Variants in SCMH1 observed in about 807,000 individuals in gnomAD.
SCMH1 encodes polycomb protein SCMH1.
Under a neutral mutation model 70.8 loss-of-function variants are expected in SCMH1, and 37 were observed. The ratio of observed to expected loss-of-function variants is 0.52; its 90% CI spans 0.40 to 0.69. SCMH1 has a LOEUF of 0.69. Among genes scored for constraint, SCMH1 ranks in the 30% least tolerant of loss-of-function variants. The pLI is 0.00. For missense variants in SCMH1, 607 were observed against 827.3 expected, an observed-to-expected ratio of 0.73 and a Z score of 3.27; for synonymous variants, 292 against 307.4, an observed-to-expected ratio of 0.95 and a Z score of 0.52.
At chr1:41,156,447 T>G (rs1645554810) in intron 4 of SCMH1, among the ~76,000 whole-genome samples, 1 of 152,328 alleles carries the variant, frequency 6.6e-6, no homozygotes, top group South Asian at 2.1e-4. Context: ...TTATTTTATT[T>G]TTTTTGAGAC....
At chr1:41,194,196 T>C (rs1449071189) in intron 1 of SCMH1, among the ~76,000 whole-genome samples, 3 of 152,346 alleles carry the variant, frequency 2.0e-5, no homozygotes, top group Non-Finnish European at 4.4e-5. Context: ...TTGTAAAAAC[T>C]GCAGAATAAA....
exon 6 of SCMH1, chr1:41,142,898 C>T: frequency 6.2e-7 from 1 of 1,613,896 alleles, no homozygotes; most frequent in Non-Finnish European, 8.5e-7. Flanking sequence ...CTGTAGCATA[C>T]CCCCATTCTT....
intron 8 of SCMH1, among the ~76,000 whole-genome samples, chr1:41,095,219 CTCTAGCATT>C (rs1664759304): frequency 6.6e-6 from 1 of 152,208 alleles, no homozygotes; most frequent in Admixed American, 6.5e-5. Flanking sequence ...GTAACCCATA[CTCTAGCATT>C]TGATTCTAGA....
intron 10 of SCMH1, among the ~76,000 whole-genome samples, chr1:41,060,152 G>A (rs1571629703): frequency 6.6e-6 from 1 of 151,920 alleles, no homozygotes; most frequent in South Asian, 2.1e-4. Context: ...CCAAATTAAT[G>A]TTACATACCA....
intron 10 of SCMH1, among the ~76,000 whole-genome samples, chr1:41,063,250 G>A (rs1393272338): frequency 1.3e-5 from 2 of 152,094 alleles, no homozygotes; most frequent in South Asian, 2.1e-4. Context: ...GAGGCGGGCG[G>A]ATCATGAGGG....
Position 41,119,420 on chromosome 1 carries a change from T to C in SCMH1, c.413-2410A>G, listed in dbSNP as rs909980125. On this transcript the variant is annotated intron_variant, in intron 6 of 14. Transcript: ENST00000337495. ...ATCACTTCCTTTTTGCTTGCCCAGC[T>C]TTTTTTTCCCTTTAGGGCAAAAAAA... Among the ~76,000 whole-genome samples, 3 of 142,186 alleles carry C rather than the reference T, an allele frequency of 2.1e-5. No individual in the cohort carries two copies. In the Admixed American group the frequency reaches 2.2e-4, roughly 10 times the overall value. 93.3% of individuals were successfully genotyped at this position (142,186 alleles called of 152,430 possible).
chr1:41,128,018 T>A lies in SCMH1; in HGVS notation c.413-11008A>T, dbSNP rs1193460734. ...TCAGCAGACTACCACACTACCTTTA[T>A]CATATAGCAAATTTTCATATACAGT... On this transcript the variant is annotated intron_variant, in intron 6 of 14. Transcript: ENST00000337495. 2.6e-5 allele frequency among the ~76,000 whole-genome samples: 4 copies of A among 152,210 alleles called. 1 individual carries two copies. The South Asian group carries it at 8.3e-4, about 32-fold the overall frequency.
rs192726924 is a variant in SCMH1 at position 41,087,867 on chromosome 1, A to T, written c.746-12416T>A. Among the ~76,000 whole-genome samples the T allele has an allele frequency of 1.2e-4, 19 of 152,104 alleles. No individual in the cohort carries two copies. In the East Asian group the frequency reaches 3.7e-3, roughly 29 times the overall value. On this transcript the variant is annotated intron_variant, in intron 8 of 14. Transcript: ENST00000337495. ...CATGTGTACAAGTTTATTAAGCAATACATATACAGTATTACATATTATTGT... is the reference window on the plus strand; with the variant it reads ...CATGTGTACAAGTTTATTAAGCAATTCATATACAGTATTACATATTATTGT...
chr1:41,034,650 G>T (rs1023963764), intron 13 of SCMH1, among the ~76,000 whole-genome samples: 5 of 151,854 alleles, frequency 3.3e-5, no homozygotes, highest in Non-Finnish European at 4.4e-5. Context: ...TTCATTGCAG[G>T]CTCTGCTAAT....
In SCMH1 at chr1:41,196,775, G is replaced by A. The variant is rs540397175; in HGVS notation, c.-117-10525C>T. On this transcript the variant is annotated intron_variant, in intron 1 of 14. Coordinates refer to ENST00000337495, the Ensembl canonical transcript of SCMH1. Reference sequence around the variant, plus strand: ...GAGTGAAAAGACAGTCCACAGAATCGGAGACAATACTTGCAAATCATGTTT... The same window carrying A: ...GAGTGAAAAGACAGTCCACAGAATCAGAGACAATACTTGCAAATCATGTTT... 5.9e-5 allele frequency among the ~76,000 whole-genome samples: 9 copies of A among 152,176 alleles called. No individual in the cohort carries two copies. In the South Asian group the frequency reaches 8.3e-4, roughly 14 times the overall value.
chr1:41,095,318 T>C (rs1183090880), intron 8 of SCMH1, among the ~76,000 whole-genome samples: 1 of 152,188 alleles, frequency 6.6e-6, no homozygotes, highest in Non-Finnish European at 1.5e-5. Context: ...AAACAGAGGC[T>C]AACCTATATT....
chr1:41,223,749 T>C (rs1247380463), intron 1 of SCMH1, among the ~76,000 whole-genome samples: 1 of 152,174 alleles, frequency 6.6e-6, no homozygotes, highest in African/African-American at 2.4e-5. Flanking sequence ...ATTCCTGCCT[T>C]GCCAACTTTC....
chr1:41,186,004 G>A, intron 2 of SCMH1, 117 bp downstream of exon 2: 1 of 1,078,402 alleles, frequency 9.3e-7, no homozygotes, highest in Non-Finnish European at 1.3e-6. Flanking sequence ...ATGACATCAT[G>A]GCTATAAAGA....
intron 12 of SCMH1, among the ~76,000 whole-genome samples, chr1:41,041,979 C>G (rs1317897258): frequency 6.6e-6 from 1 of 152,182 alleles, no homozygotes; most frequent in African/African-American, 2.4e-5. Flanking sequence ...CTGCCTCATA[C>G]TGAGCCACTG....
intron 1 of SCMH1, among the ~76,000 whole-genome samples, chr1:41,235,701 G>T (rs1662249050): frequency 6.6e-6 from 1 of 151,354 alleles, no homozygotes; most frequent in South Asian, 2.1e-4. Flanking sequence ...CTCTGTGTGT[G>T]CCCTTCTTTG....
intron 8 of SCMH1, among the ~76,000 whole-genome samples, chr1:41,077,545 A>T (rs1658696796): frequency 6.6e-6 from 1 of 152,156 alleles, no homozygotes; most frequent in South Asian, 2.1e-4. Flanking sequence ...TCTTAAAGAT[A>T]TTTTAAAACT....
chr1:41,239,664 G>A (rs769661295), intron 1 of SCMH1, among the ~76,000 whole-genome samples: 1 of 152,096 alleles, frequency 6.6e-6, no homozygotes, highest in Non-Finnish European at 1.5e-5. Flanking sequence ...TTTAAAAGAT[G>A]GGGTCTCATT....
intron 4 of SCMH1, 70 bp from the exon 5 acceptor site, chr1:41,151,754 A>G (rs1392726666): frequency 9.8e-7 from 1 of 1,022,568 alleles, no homozygotes; most frequent in East Asian, 2.5e-5. Flanking sequence ...TATAATCTAC[A>G]CTAAACAGTA....
intron 4 of SCMH1, among the ~76,000 whole-genome samples, chr1:41,159,373 T>C (rs1025724350): frequency 8.5e-5 from 13 of 152,218 alleles, no homozygotes; most frequent in East Asian, 3.8e-4. Context: ...TGAGCTACAA[T>C]TGTTATTATC....
Sources: allele counts gnomAD v4.1 joint callset (sites outside exome capture counted in the v4.1 genomes callset), GRCh38; gene constraint gnomAD v4.1.1; transcripts MANE v1.5; gene names NCBI Gene and HGNC (gene_info 2026-07-23, HGNC 2026-07-21).